The following NRXN1 variants were observed in gnomAD, a reference collection of about 807,000 sequenced individuals.
NRXN1 encodes the protein neurexin-1.
In NRXN1, 39 loss-of-function variants were observed where a neutral mutation model predicts 150.9. That is an observed-to-expected ratio of 0.26 (90% CI 0.20 to 0.34). The LOEUF is 0.34. Ranked by LOEUF, NRXN1 falls within the 10% of genes least tolerant of loss-of-function variation. The probability of loss-of-function intolerance (pLI) is 1.00; values close to 1 mark genes in which losing one functional copy is unlikely to be tolerated. For missense variants in NRXN1, 1,815 were observed against 1,949.9 expected, an observed-to-expected ratio of 0.93 and a Z score of 1.30; for synonymous variants, 924 against 757.0, an observed-to-expected ratio of 1.22 and a Z score of -3.62.
At chr2:50,947,096 A>T (rs1027976696) in intron 2 of NRXN1, among the ~76,000 whole-genome samples, 2 of 152,136 alleles carry the variant, frequency 1.3e-5, no homozygotes, top group Non-Finnish European at 1.5e-5. Flanking sequence ...TTTCATTTGC[A>T]ACCAGAAATT....
chr2:50,876,947 A>G (rs368451328), intron 5 of NRXN1, among the ~76,000 whole-genome samples: 34 of 152,016 alleles, frequency 2.2e-4, no homozygotes, highest in African/African-American at 8.2e-4. Context: ...TTAAAATCTT[A>G]TAATATTTTT....
chr2:50,562,425 G>T (rs1233209016), intron 8 of NRXN1, among the ~76,000 whole-genome samples: 2 of 151,726 alleles, frequency 1.3e-5, no homozygotes, highest in Non-Finnish European at 2.9e-5. Flanking sequence ...TATTGTTTTG[G>T]ATATACCAAT....
intron 17 of NRXN1, among the ~76,000 whole-genome samples, chr2:50,351,981 G>A (rs1051623384): frequency 1.3e-5 from 2 of 152,084 alleles, no homozygotes; most frequent in Non-Finnish European, 2.9e-5. Flanking sequence ...TCTTGGTGTT[G>A]AATTCATTAT....
chr2:50,245,846 G>T (rs1378528594), intron 17 of NRXN1, among the ~76,000 whole-genome samples: 2 of 151,374 alleles, frequency 1.3e-5, no homozygotes, highest in East Asian at 3.9e-4. Context: ...CAAAACTGAG[G>T]CACAGAGAAA....
intron 22 of NRXN1, among the ~76,000 whole-genome samples, chr2:49,943,161 T>G (rs1558550451): frequency 6.6e-6 from 1 of 152,190 alleles, no homozygotes. Flanking sequence ...GCTTGAATTT[T>G]AGGGAAACAT....
At chr2:50,351,523 T>A (rs539384351) in intron 17 of NRXN1, among the ~76,000 whole-genome samples, 2 of 152,168 alleles carry the variant, frequency 1.3e-5, no homozygotes, top group African/African-American at 4.8e-5. Flanking sequence ...TGTGAAATTA[T>A]TAATAGGCAA....
intron 2 of NRXN1, chr2:50,979,204 C>G (rs35296842): frequency 0.24 from 119,514 of 505,894 alleles, 15,195 homozygotes; most frequent in Non-Finnish European, 0.28. Flanking sequence ...AGAAAGTAAG[C>G]GATTTCCTCT....
chr2:50,814,507 A>C (rs1668654444), intron 5 of NRXN1, among the ~76,000 whole-genome samples: 1 of 152,082 alleles, frequency 6.6e-6, no homozygotes, highest in Non-Finnish European at 1.5e-5. Flanking sequence ...GTAGTACCTC[A>C]TGGAAGAACA....
At chr2:50,738,417 A>G (rs951810713) in intron 5 of NRXN1, among the ~76,000 whole-genome samples, 4 of 152,146 alleles carry the variant, frequency 2.6e-5, no homozygotes, top group Admixed American at 6.6e-5. Context: ...AACAATACAG[A>G]CTCATTTAAT....
chr2:50,329,809 G>A (rs537405772), intron 17 of NRXN1, among the ~76,000 whole-genome samples: 38 of 150,178 alleles, frequency 2.5e-4, no homozygotes, highest in African/African-American at 9.3e-4. Flanking sequence ...GAGTAGCTAG[G>A]AATATAGGCA....
At chr2:50,729,989 A>C (rs2105191083) in intron 5 of NRXN1, among the ~76,000 whole-genome samples, 1 of 152,302 alleles carries the variant, frequency 6.6e-6, no homozygotes, top group Admixed American at 6.5e-5. Context: ...GACCTTCTTG[A>C]CTAAAGTAGT....
intron 17 of NRXN1, among the ~76,000 whole-genome samples, chr2:50,283,288 A>G (rs1368069997): frequency 3.3e-5 from 5 of 152,174 alleles, no homozygotes; most frequent in African/African-American, 1.2e-4. Flanking sequence ...TACTAAAAAG[A>G]CAATAATCTT....
intron 5 of NRXN1, among the ~76,000 whole-genome samples, chr2:50,807,518 A>C (rs1353059284): frequency 6.6e-6 from 1 of 152,180 alleles, no homozygotes; most frequent in Non-Finnish European, 1.5e-5. Context: ...ACTGCTATGA[A>C]TACTGAAAGT....
At chr2:50,474,009 A>G (rs1481925897) in intron 15 of NRXN1, among the ~76,000 whole-genome samples, 1 of 151,642 alleles carries the variant, frequency 6.6e-6, no homozygotes, top group African/African-American at 2.4e-5. Flanking sequence ...TAACTATATA[A>G]TTTGCATTGA....
intron 21 of NRXN1, among the ~76,000 whole-genome samples, chr2:49,993,918 G>A (rs1472345892): frequency 2.0e-5 from 3 of 152,066 alleles, no homozygotes; most frequent in Admixed American, 1.3e-4. Context: ...AACTGGCTGT[G>A]GTGATGTTTT....
At chr2:50,586,861 G>A (rs1368098165) in intron 8 of NRXN1, among the ~76,000 whole-genome samples, 1 of 152,110 alleles carries the variant, frequency 6.6e-6, no homozygotes, top group Non-Finnish European at 1.5e-5. Context: ...TCCTGTTATA[G>A]TAATTAGCTT....
At chr2:50,845,990 C>G (rs960381943) in intron 5 of NRXN1, among the ~76,000 whole-genome samples, 42 of 152,190 alleles carry the variant, frequency 2.8e-4, no homozygotes, top group African/African-American at 9.9e-4. Context: ...GTATTGCTGA[C>G]TGGCTTTAGA....
intron 17 of NRXN1, among the ~76,000 whole-genome samples, chr2:50,380,207 G>A (rs1315842064): frequency 6.6e-6 from 1 of 151,998 alleles, no homozygotes; most frequent in East Asian, 1.9e-4. Flanking sequence ...CGAGCCTAGA[G>A]AAGTTTGGGT....
intron 2 of NRXN1, among the ~76,000 whole-genome samples, chr2:50,961,044 C>T (rs146021706): frequency 7.2e-5 from 11 of 151,936 alleles, no homozygotes; most frequent in African/African-American, 1.7e-4. Context: ...CAAATGAACA[C>T]GTGACTTTTT....
Sources: allele counts gnomAD v4.1 joint callset (sites outside exome capture counted in the v4.1 genomes callset), GRCh38; gene constraint gnomAD v4.1.1; transcripts MANE v1.5; gene names NCBI Gene and HGNC (gene_info 2026-07-23, HGNC 2026-07-21).